The following ARNT2 variants were observed in gnomAD, a reference collection of about 807,000 sequenced individuals.
The protein encoded by ARNT2 is ARNT protein 2.
ARNT2 carries 36 observed loss-of-function variants against 91.7 expected under a neutral mutation model. The observed-to-expected ratio is 0.39, with a 90% CI of 0.30 to 0.52. The LOEUF (loss-of-function observed/expected upper bound fraction) is 0.52, where lower values mean the gene tolerates loss of function less well. Among genes scored for constraint, ARNT2 ranks in the 20% least tolerant of loss-of-function variants. The pLI is 0.72. For missense variants in ARNT2, 775 were observed against 939.3 expected (o/e 0.83, Z 2.29); for synonymous variants, 365 against 347.1 (o/e 1.05, Z -0.57).
rs4778610 is a variant in ARNT2 at position 80,597,009 on chromosome 15, C to G, written c.*3311C>G. The G allele has an allele frequency of 0.17, 66,766 of 389,504 alleles. 6,703 individuals carry two copies. Among genetic ancestry groups the G allele is most frequent in the South Asian group, 0.24 (12,721 of 52,404 alleles). 24.1% of individuals were successfully genotyped at this position (389,504 alleles called of 1,614,324 possible). On this transcript the variant is annotated 3_prime_UTR_variant, in exon 19 of 19. Transcript: ENST00000303329. Reference sequence around the variant, plus strand: ...GCTCTACTCTCCAACATACCAGATTCTACACTGTTGTTATTTCATGAGACG... The same window carrying G: ...GCTCTACTCTCCAACATACCAGATTGTACACTGTTGTTATTTCATGAGACG...
At chr15:80,463,585 T>C (rs1404871885) in intron 3 of ARNT2, among the ~76,000 whole-genome samples, 2 of 90,380 alleles carry the variant, frequency 2.2e-5, no homozygotes, top group African/African-American at 6.8e-5. Context: ...CTTTTTTTTT[T>C]TTTTTTTTTT....
intron 5 of ARNT2, among the ~76,000 whole-genome samples, chr15:80,485,318 A>G (rs1896953515): frequency 6.6e-6 from 1 of 152,188 alleles, no homozygotes; most frequent in African/African-American, 2.4e-5. Context: ...GAAAAGAGGC[A>G]CTTACTTTTT....
rs139734729 is a variant in ARNT2 at position 80,491,523 on chromosome 15, T to C, written c.622+16300T>C. Among the ~76,000 whole-genome samples the C allele has an allele frequency of 6.8e-3, 1,037 of 152,234 alleles. 18 individuals carry two copies. The highest frequency in any genetic ancestry group is 0.024 in the African/African-American group (987 of 41,534). On this transcript the variant is annotated intron_variant, in intron 5 of 18. Coordinates refer to ENST00000303329, the MANE Select transcript of ARNT2 (RefSeq NM_014862.4). ...GGGGACACAGCCAAGCCATATCCCT[T>C]GCAGTGAGATGAGGGGGAAACGTCA...
intron 1 of ARNT2, among the ~76,000 whole-genome samples, chr15:80,422,596 G>A (rs1895875202): frequency 6.6e-6 from 1 of 152,180 alleles, no homozygotes. Context: ...GCAAATGGAA[G>A]TTCTCAGATG....
At chr15:80,573,556 G>T (rs958032078) in intron 12 of ARNT2, among the ~76,000 whole-genome samples, 3 of 152,130 alleles carry the variant, frequency 2.0e-5, no homozygotes, top group African/African-American at 7.2e-5. Context: ...CAGTAAAGCC[G>T]CCATTTCCTC....
Position 80,596,508 on chromosome 15 carries a change from T to C in ARNT2, c.*2810T>C, listed in dbSNP as rs1333455525. 1.3e-5 allele frequency: 2 copies of C among 151,966 alleles called. No individual in the cohort carries two copies. Among genetic ancestry groups the C allele is most frequent in the African/African-American group, 2.4e-5 (1 of 41,350 alleles). The allele number at this position is 151,966 out of a possible 1,614,324, so 9.4% of individuals were successfully genotyped here. A position where few individuals can be genotyped will look rare whatever the true frequency, so the allele number is the denominator to read the frequency against. Reference sequence around the variant, plus strand: ...GAGTAAGAATTAAAGCCCCAGAGGATTTAATTATCCTGGTTTGCAAAAGAG... The same window carrying C: ...GAGTAAGAATTAAAGCCCCAGAGGACTTAATTATCCTGGTTTGCAAAAGAG... On this transcript the variant is annotated 3_prime_UTR_variant, in exon 19 of 19. Coordinates refer to ENST00000303329, the MANE Select transcript of ARNT2 (RefSeq NM_014862.4).
chr15:80,593,634 G>T lies in ARNT2; in HGVS notation c.2090G>T (p.Gly697Val). 6.2e-7 allele frequency: 1 copy of T among 1,606,182 alleles called. No individual in the cohort carries two copies. The change falls in exon 19 of 19, where the codon GGG (glycine) becomes GTG (valine). Residue 697 changes from glycine (G) to valine (V), a missense_variant. Physicochemically the swap from Gly to Val is moderately radical, Grantham distance 109 (BLOSUM62 -3). This residue lies in a region of ARNT2 where 325 missense variants were observed against 359.9 expected (regional missense o/e 0.90). Coordinates refer to ENST00000303329, the MANE Select transcript of ARNT2 (RefSeq NM_014862.4). ...MLPMPGDPTQGTGNYNIEDFA... is the reference protein window; with the variant it reads ...MLPMPGDPTQVTGNYNIEDFA... ...CCCATGCCAGGAGATCCAACCCAGG[G>T]GACTGGCAACTATAACATCGAAGAC... is the stretch of plus-strand genomic sequence containing the variant.
intron 5 of ARNT2, among the ~76,000 whole-genome samples, chr15:80,498,225 T>C (rs7178902): frequency 0.5 from 75,866 of 151,996 alleles, 20,340 homozygotes; most frequent in African/African-American, 0.67. Context: ...GCACACGATT[T>C]TTTTCTGAGG....
chr15:80,499,074 G>A (rs986903976), intron 5 of ARNT2, among the ~76,000 whole-genome samples: 2 of 152,234 alleles, frequency 1.3e-5, no homozygotes, highest in African/African-American at 4.8e-5. Context: ...GGGCTATAGA[G>A]GAGGGGGCAT....
At chr15:80,479,242 A>C (rs569006051) in intron 5 of ARNT2, among the ~76,000 whole-genome samples, 1 of 152,348 alleles carries the variant, frequency 6.6e-6, no homozygotes, top group East Asian at 1.9e-4. Flanking sequence ...ATATGCTGTC[A>C]AAGAGTTTCA....
intron 12 of ARNT2, among the ~76,000 whole-genome samples, chr15:80,565,730 GT>G (rs1415898580): frequency 5.3e-5 from 8 of 151,740 alleles, no homozygotes; most frequent in Admixed American, 3.9e-4. Context: ...AATGGGATTT[GT>G]TTTTTTCTCA....
intron 17 of ARNT2, among the ~76,000 whole-genome samples, chr15:80,590,352 T>C (rs552329531): frequency 1.1e-4 from 17 of 152,378 alleles, no homozygotes; most frequent in Middle Eastern, 3.4e-3. Flanking sequence ...GGTATTTTTT[T>C]AAGCCTCCTC....
intron 2 of ARNT2, among the ~76,000 whole-genome samples, chr15:80,456,327 C>T (rs74027974): frequency 0.012 from 1,765 of 151,458 alleles, 41 homozygotes; most frequent in African/African-American, 0.04. Context: ...TCTTTTTGTG[C>T]GTAGGTATTT....
chr15:80,465,046 C>A (rs1896633244), intron 3 of ARNT2, among the ~76,000 whole-genome samples: 1 of 152,186 alleles, frequency 6.6e-6, no homozygotes, highest in African/African-American at 2.4e-5. Flanking sequence ...ACAGAGAAAT[C>A]CCTAGTAGGG....
In ARNT2 at chr15:80,457,983, T is replaced by G. The variant is rs1896503256; in HGVS notation, c.194+7T>G. 6.2e-7 allele frequency: 1 copy of G among 1,612,408 alleles called. No homozygotes were observed. Among genetic ancestry groups the G allele is most frequent in the African/African-American group, 1.3e-5 (1 of 74,898 alleles). ...GCCCCAGTAAATTTTCAAGGTAAGT[T>G]TATTTTATTTTCCTTAGACTTAAAG... On this transcript the variant is annotated splice_region_variant and intron_variant, in intron 3 of 18. Coordinates refer to ENST00000303329, the MANE Select transcript of ARNT2 (RefSeq NM_014862.4).
chr15:80,430,485 C>G (rs886581826), intron 1 of ARNT2, among the ~76,000 whole-genome samples: 1 of 152,204 alleles, frequency 6.6e-6, no homozygotes, highest in African/African-American at 2.4e-5. Context: ...GGATGTGTTC[C>G]CTGTTGGGAT....
intron 18 of ARNT2, among the ~76,000 whole-genome samples, chr15:80,593,078 C>T (rs969189609): frequency 8.5e-5 from 13 of 152,282 alleles, no homozygotes; most frequent in East Asian, 1.9e-4. Flanking sequence ...GTGCTATTCC[C>T]GTTTTCTGGA....
intron 4 of ARNT2, among the ~76,000 whole-genome samples, 184 bp from the exon 5 acceptor site, chr15:80,474,826 A>G (rs987442449): frequency 1.3e-5 from 2 of 152,184 alleles, no homozygotes; most frequent in African/African-American, 4.8e-5. Flanking sequence ...TATCGTAGGG[A>G]TGGTGCAAGC....
At chr15:80,562,474 T>C (rs1162358422) in intron 11 of ARNT2, among the ~76,000 whole-genome samples, 2 of 152,202 alleles carry the variant, frequency 1.3e-5, no homozygotes, top group African/African-American at 2.4e-5. Flanking sequence ...CAAACTCTTA[T>C]GAGGCTCTTT....
Sources: gnomAD v4.1 joint callset for allele counts (sites outside exome capture counted in the v4.1 genomes callset) on GRCh38, gnomAD v4.1.1 for gene constraint, gnomAD v4.1.1 regional missense constraint, MANE v1.5 for transcripts, NCBI Gene and HGNC (gene_info 2026-07-23, HGNC 2026-07-21) for gene names.